The following CYLC2 variants were observed in gnomAD, a reference collection of about 807,000 sequenced individuals.
CYLC2 encodes the protein cylicin-2.
In CYLC2, 30 loss-of-function variants were observed where a neutral mutation model predicts 26.1. That is an observed-to-expected ratio of 1.15 (90% confidence interval 0.86 to 1.56). The LOEUF (loss-of-function observed/expected upper bound fraction) is 1.56. CYLC2 is among the 40% of genes most tolerant of loss of function. CYLC2 has a pLI of 0.00. For synonymous variants in CYLC2, 158 were observed against 132.8 expected (o/e 1.19, Z -1.31); for missense variants, 498 against 394.4 (o/e 1.26, Z -2.23).
At chr9:102,998,096 T>C (rs1829254877) in intron 1 of CYLC2, among the ~76,000 whole-genome samples, 3 of 151,954 alleles carry the variant, frequency 2.0e-5, no homozygotes, top group Admixed American at 1.3e-4. Context: ...TGACTGAATA[T>C]ATAAGCTTGA....
chr9:103,008,593 C>T (rs10739862), intron 5 of CYLC2, among the ~76,000 whole-genome samples: 110,830 of 151,860 alleles, frequency 0.73, 40,818 homozygotes, highest in South Asian at 0.93. Flanking sequence ...CAAGTTCTGC[C>T]AAACCCATTA....
chr9:103,014,396 T>C (rs964406944), intron 6 of CYLC2, among the ~76,000 whole-genome samples: 101 of 115,874 alleles, frequency 8.7e-4, no homozygotes, highest in Non-Finnish European at 1.3e-3. Flanking sequence ...TAATATAACA[T>C]AATGTATGTT....
At chr9:103,016,007 A>G (rs1829501145) in intron 6 of CYLC2, among the ~76,000 whole-genome samples, 1 of 150,310 alleles carries the variant, frequency 6.7e-6, no homozygotes, top group Admixed American at 6.7e-5. Context: ...TATATGTATC[A>G]ATTATCTATC....
At chr9:103,016,721 GAC>G (rs1829510276) in intron 6 of CYLC2, among the ~76,000 whole-genome samples, 165 bp from the exon 7 acceptor site, 1 of 151,982 alleles carries the variant, frequency 6.6e-6, no homozygotes, top group African/African-American at 2.4e-5. Flanking sequence ...TACAAGGAAA[GAC>G]AACTTCCTCT....
chr9:103,012,373 T>C (rs1463407677), intron 6 of CYLC2, among the ~76,000 whole-genome samples: 1 of 152,098 alleles, frequency 6.6e-6, no homozygotes, highest in Non-Finnish European at 1.5e-5. Flanking sequence ...CATTGGACAA[T>C]GCCTCATTAG....
At chr9:103,014,736 GTATATTA>G (rs1261158044) in intron 6 of CYLC2, among the ~76,000 whole-genome samples, 4 of 81,530 alleles carry the variant, frequency 4.9e-5, no homozygotes, top group African/African-American at 1.9e-4. Flanking sequence ...ATATACGTAT[GTATATTA>G]TGCAATATAC....
intron 5 of CYLC2, chr9:103,010,865 T>C (rs1038606019): frequency 1.1e-4 from 16 of 152,008 alleles, no homozygotes; most frequent in Non-Finnish European, 7.4e-5. Flanking sequence ...ATGTGCTGTA[T>C]TGAACAAATA....
At chr9:103,013,424 T>C (rs1829440395) in intron 6 of CYLC2, among the ~76,000 whole-genome samples, 1 of 64,724 alleles carries the variant, frequency 1.5e-5, no homozygotes, top group South Asian at 7.1e-4. Flanking sequence ...ATATTGTGTA[T>C]CATATATACA....
rs61123272 is a variant in CYLC2, at chr9:103,002,357, C to CT, written c.59-759dup. 7.1e-4 allele frequency among the ~76,000 whole-genome samples: 55 copies of CT among 77,636 alleles called. 1 individual carries two copies. The highest frequency in any genetic ancestry group is 1.1e-3 in the Non-Finnish European group (49 of 43,246). 50.9% of individuals were successfully genotyped at this position (77,636 alleles called of 152,430 possible). ...TTCTTGGGTGTATAGCATTTGCCCC[C>CT]TTTTTTTTTTTTTTTTTTTTTTTTT... On this transcript the variant is annotated intron_variant, in intron 2 of 7. Transcript: ENST00000374798.
chr9:103,003,287 A>C (rs757156759), intron 3 of CYLC2, 24 bp downstream of exon 3: 1 of 1,584,428 alleles, frequency 6.3e-7, no homozygotes, highest in Non-Finnish European at 8.6e-7. Context: ...AGATTTTATA[A>C]TTATCAGTAA....
chr9:103,003,371 A>T (rs552600931), intron 3 of CYLC2, 108 bp downstream of exon 3: 1 of 1,001,036 alleles, frequency 1.0e-6, no homozygotes, highest in African/African-American at 1.6e-5. Flanking sequence ...CTAAGTAGTA[A>T]GCTTGTGAAA....
intron 1 of CYLC2, among the ~76,000 whole-genome samples, chr9:102,998,557 A>C (rs1368360390): frequency 6.6e-6 from 1 of 151,888 alleles, no homozygotes; most frequent in African/African-American, 2.4e-5. Context: ...CAAAAGATCA[A>C]ATTGCTTTAA....
Position 103,016,966 on chromosome 9 carries a change from G to A in CYLC2, c.*890+5G>A, listed in dbSNP as rs2118282062. 6.6e-6 allele frequency: 1 copy of A among 151,966 alleles called. No homozygotes were observed. Among genetic ancestry groups the A allele is most frequent in the South Asian group, 2.1e-4 (1 of 4,816 alleles). The allele number at this position is 151,966 out of a possible 1,614,324, so 9.4% of individuals were successfully genotyped here. On this transcript the variant is annotated splice_donor_5th_base_variant and intron_variant, in intron 7 of 7. Transcript: ENST00000374798. Reference sequence around the variant, plus strand: ...GTTACCCTAGAAACAAAAGATGTAAGTAAACTGAAATTTACCCTTATGTGT... The same window carrying A: ...GTTACCCTAGAAACAAAAGATGTAAATAAACTGAAATTTACCCTTATGTGT...
rs748388807 is a variant in CYLC2 at position 103,009,986 on chromosome 9, CATGT to C, written c.*701-1991_*701-1988del. On this transcript the variant is annotated intron_variant, in intron 5 of 7. Coordinates refer to ENST00000374798, the MANE Select transcript of CYLC2 (RefSeq NM_001340.5). ...TACACATTGAATTTATTACATTTTA[CATGT>C]ATGTGTATATATATATATATACATG... 1.9e-3 allele frequency among the ~76,000 whole-genome samples: 138 copies of C among 73,158 alleles called. 1 individual carries two copies. Among genetic ancestry groups the C allele is most frequent in the Non-Finnish European group, 2.5e-3 (91 of 36,912 alleles). 48.0% of individuals were successfully genotyped at this position (73,158 alleles called of 152,430 possible). A position where few individuals can be genotyped will look rare whatever the true frequency, so the allele number is the denominator to read the frequency against.
intron 5 of CYLC2, among the ~76,000 whole-genome samples, chr9:103,009,164 G>A (rs191245759): frequency 2.1e-4 from 32 of 152,194 alleles, no homozygotes; most frequent in African/African-American, 7.5e-4. Context: ...CTTCAAAATA[G>A]TCATTCTCAG....
chr9:103,018,026 A>T (rs1320208240), intron 7 of CYLC2, among the ~76,000 whole-genome samples: 2 of 151,950 alleles, frequency 1.3e-5, no homozygotes, highest in Non-Finnish European at 2.9e-5. Flanking sequence ...GGAAGTTAAG[A>T]CTTCAACATG....
At chr9:103,011,605 A>G (rs913273540) in intron 5 of CYLC2, among the ~76,000 whole-genome samples, 1 of 152,102 alleles carries the variant, frequency 6.6e-6, no homozygotes, top group Non-Finnish European at 1.5e-5. Context: ...AGGCACCATT[A>G]ATACAATTCC....
chr9:103,004,773 A>G lies in CYLC2; in HGVS notation c.259A>G (p.Arg87Gly), dbSNP rs774642858. Residue 87 changes from arginine to glycine, a missense_variant, in exon 4 of 8, where the codon AGA becomes GGA. Arg to Gly is a moderately radical substitution (Grantham distance 125). Coordinates refer to ENST00000374798, the MANE Select transcript of CYLC2 (RefSeq NM_001340.5). The stretch of plus-strand genomic sequence containing the variant: ...CCGTTCTTTAATGAGAATTTCTGAG[A>G]GACCATCTGTTTATTTAGCTGCCAG... Reference protein sequence around the residue: ...MYRSLMRISERPSVYLAARRQ... With the variant: ...MYRSLMRISEGPSVYLAARRQ... 1 of 1,612,622 alleles carries G rather than the reference A, an allele frequency of 6.2e-7. No individual in the cohort carries two copies. The highest frequency in any genetic ancestry group is 2.2e-5 in the East Asian group (1 of 44,832).
intron 6 of CYLC2, among the ~76,000 whole-genome samples, chr9:103,013,932 T>A (rs1376567749): frequency 3.5e-5 from 4 of 115,500 alleles, no homozygotes; most frequent in Non-Finnish European, 4.8e-5. Context: ...ATATCATATC[T>A]ATTATTTAAT....
Sources: gnomAD v4.1 joint callset for allele counts (sites outside exome capture counted in the v4.1 genomes callset) on GRCh38, gnomAD v4.1.1 for gene constraint, MANE v1.5 for transcripts, NCBI Gene and HGNC (gene_info 2026-07-23, HGNC 2026-07-21) for gene names.